Variants in ODAD4 observed in about 807,000 individuals in gnomAD.
ODAD4 encodes outer dynein arm docking complex subunit 4.
A neutral mutation model predicts 51.8 loss-of-function variants in ODAD4; 49 were observed. The ratio of observed to expected loss-of-function variants is 0.95; its 90% CI spans 0.75 to 1.20. The LOEUF (loss-of-function observed/expected upper bound fraction) is 1.20, where lower values mean the gene tolerates loss of function less well. Among genes scored for constraint, ODAD4 ranks in the 50% most tolerant of loss-of-function variants. The probability of loss-of-function intolerance (pLI) is 0.00; values close to 1 mark genes in which losing one functional copy is unlikely to be tolerated. For synonymous variants in ODAD4, 235 were observed against 221.3 expected, an observed-to-expected ratio of 1.06 and a Z score of -0.55; for missense variants, 590 against 586.5, an observed-to-expected ratio of 1.01 and a Z score of -0.06.
chr17:41,948,905 G>A (rs1270596710), intron 8 of ODAD4, among the ~76,000 whole-genome samples: 1 of 152,124 alleles, frequency 6.6e-6, no homozygotes. Flanking sequence ...GCCTCCCAAA[G>A]CGCTAGAGAC....
At chr17:41,960,149 G>A (rs1292384477) in intron 10 of ODAD4, among the ~76,000 whole-genome samples, 1 of 152,118 alleles carries the variant, frequency 6.6e-6, no homozygotes, top group Non-Finnish European at 1.5e-5. Context: ...AATGTGTGCG[G>A]CCATTGTCCT....
rs1208582941 is a variant in ODAD4 at position 41,947,625 on chromosome 17, G to A, written c.1146-1528G>A. On this transcript the variant is annotated intron_variant, in intron 8 of 11. Transcript: ENST00000377540. ...AGCCTGGCCAACGTGGGGAAACCCC[G>A]TCCCTATTAAAAATGCAAAATTAGC... 2.4e-4 allele frequency among the ~76,000 whole-genome samples: 35 copies of A among 147,162 alleles called. No individual in the cohort carries two copies. In the East Asian group the frequency reaches 4.3e-3, roughly 18 times the overall value.
In ODAD4 at chr17:41,965,652, C is replaced by T. The variant is rs1555642620; in HGVS notation, c.*169C>T. 1.7e-6 allele frequency: 1 copy of T among 581,642 alleles called. No individual in the cohort carries two copies. Among genetic ancestry groups the T allele is most frequent in the Non-Finnish European group, 3.0e-6 (1 of 330,570 alleles). The allele number at this position is 581,642 out of a possible 1,614,324, so 36.0% of individuals were successfully genotyped here. ...AATAGGTGTCTTTCACTCTTGCAAACCCTGAGTCTGTCACTTTGCCTCTTC... is the reference window on the plus strand; with the variant it reads ...AATAGGTGTCTTTCACTCTTGCAAATCCTGAGTCTGTCACTTTGCCTCTTC... On this transcript the variant is annotated 3_prime_UTR_variant, in exon 12 of 12. Transcript: ENST00000377540.
Position 41,966,193 on chromosome 17 carries a change from G to A in ODAD4, c.*710G>A, listed in dbSNP as rs1231703231. ...CAGTGGTTTCACAGAGGAGGTGGCAGCTGAGGATCTGGCCTCAGAGGATGT... is the reference window on the plus strand; with the variant it reads ...CAGTGGTTTCACAGAGGAGGTGGCAACTGAGGATCTGGCCTCAGAGGATGT... On this transcript the variant is annotated 3_prime_UTR_variant, in exon 12 of 12. Transcript: ENST00000377540. Among the ~76,000 whole-genome samples, 1 of 152,192 alleles carries A rather than the reference G, an allele frequency of 6.6e-6. No individual in the cohort carries two copies. The highest frequency in any genetic ancestry group is 1.5e-5 in the Non-Finnish European group (1 of 68,030).
chr17:41,930,943 G>A, intron 1 of ODAD4, 106 bp downstream of exon 1: 1 of 652,322 alleles, frequency 1.5e-6, no homozygotes, highest in Non-Finnish European at 2.4e-6. Flanking sequence ...GCCTAGGCTG[G>A]AGTGCAATGG....
chr17:41,954,798 C>T (rs1293629554), intron 9 of ODAD4, among the ~76,000 whole-genome samples: 4 of 149,564 alleles, frequency 2.7e-5, no homozygotes, highest in Admixed American at 6.7e-5. Context: ...TGCAGTGAGC[C>T]GAGATTGCCC....
intron 4 of ODAD4, 51 bp downstream of exon 4, chr17:41,936,585 G>A (rs782200224): frequency 1.9e-6 from 3 of 1,561,856 alleles, no homozygotes; most frequent in Non-Finnish European, 2.6e-6. Context: ...GAGGCTATGT[G>A]TGCCTGAGAA....
At chr17:41,948,483 A>G (rs1253381681) in intron 8 of ODAD4, among the ~76,000 whole-genome samples, 1 of 145,184 alleles carries the variant, frequency 6.9e-6, no homozygotes, top group Admixed American at 6.9e-5. Flanking sequence ...GCCTGGCTAA[A>G]TTTTGTATTT....
At chr17:41,945,333 T>G in intron 8 of ODAD4, 111 bp downstream of exon 8, 1 of 498,054 alleles carries the variant, frequency 2.0e-6, no homozygotes, top group Non-Finnish European at 3.2e-6. Context: ...ATAGGAAGAC[T>G]CCCTCTCTAC....
rs10578034 is a variant in ODAD4, at chr17:41,944,444, A to ACCCC, written c.1059-688_1059-685dup. Among the ~76,000 whole-genome samples the ACCCC allele has an allele frequency of 9.8e-3, 191 of 19,418 alleles. 4 individuals are homozygous for ACCCC. Among genetic ancestry groups the ACCCC allele is most frequent in the South Asian group, 0.03 (7 of 230 alleles). The allele number at this position is 19,418 out of a possible 152,430, so 12.7% of individuals were successfully genotyped here. The stretch of plus-strand genomic sequence containing the variant: ...CACACACACACACACACACACACAC[A>ACCCC]CCCCCCCGCATACACAGAAATTGCC... On this transcript the variant is annotated intron_variant, in intron 7 of 11. Coordinates refer to ENST00000377540, the MANE Select transcript of ODAD4 (RefSeq NM_031421.5).
At position 41,944,070 on chromosome 17, in the gene ODAD4, G is replaced by T. The variant is rs375523552; in HGVS notation, c.1059-1066G>T. On this transcript the variant is annotated intron_variant, in intron 7 of 11. Transcript: ENST00000377540. ...AAATTAGCCAGGCGTGGTGGCACAT[G>T]CCTGTAATCTTAGTTACTCAGGGAG... Among the ~76,000 whole-genome samples the T allele has an allele frequency of 2.0e-5, 3 of 152,212 alleles. No homozygotes were observed. The East Asian group carries it at 5.8e-4, about 29-fold the overall frequency.
intron 10 of ODAD4, among the ~76,000 whole-genome samples, chr17:41,960,606 A>T (rs546868823): frequency 1.8e-4 from 27 of 152,350 alleles, no homozygotes; most frequent in African/African-American, 6.5e-4. Context: ...CTTGAAGGCT[A>T]GGCAGTAGTT....
intron 9 of ODAD4, among the ~76,000 whole-genome samples, chr17:41,954,368 C>T (rs1555640705): frequency 6.6e-6 from 1 of 152,072 alleles, no homozygotes; most frequent in Non-Finnish European, 1.5e-5. Flanking sequence ...CTAATCATTT[C>T]AGTCCCAGCT....
chr17:41,964,992 G>A lies in ODAD4; in HGVS notation c.1529-1G>A. On this transcript the variant is annotated splice_acceptor_variant, in intron 11 of 11. Transcript: ENST00000377540. LOFTEE classifies it high-confidence loss of function. ...CTTCCCGCTTTTCTCTTATTTTTCA[G>A]AAGCTTCACTGTATGAAGATAGAAT... 1 of 685,478 alleles carries A rather than the reference G, an allele frequency of 1.5e-6. No homozygotes were observed. The highest frequency in any genetic ancestry group is 2.7e-6 in the Non-Finnish European group (1 of 371,064). 42.5% of individuals were successfully genotyped at this position (685,478 alleles called of 1,614,324 possible).
rs782130933 is a variant in ODAD4 at position 41,935,738 on chromosome 17, A to G, written c.386A>G (p.Asn129Ser). 1 of 1,613,804 alleles carries G rather than the reference A, an allele frequency of 6.2e-7. No homozygotes were observed. The highest frequency in any genetic ancestry group is 8.5e-7 in the Non-Finnish European group (1 of 1,179,862). The stretch of plus-strand genomic sequence containing the variant: ...CAGAAAGCCCAGGAAGCCATCAACA[A>G]CTCAGTGGGAAGTGAGTGACCACAG... ...GIQKAQEAIN[N>S]SVGSPSSIKL... The change falls in exon 3 of 12, where the codon AAC (asparagine) becomes AGC (serine). Residue 129 changes from asparagine (N) to serine (S), a missense_variant. By Grantham distance (46) the Asn-to-Ser change is conservative. This residue lies in a region of ODAD4 where 360 missense variants were observed against 407.5 expected (regional missense o/e 0.88). Transcript: ENST00000377540.
At chr17:41,935,029 C>A (rs1175038264) in intron 1 of ODAD4, among the ~76,000 whole-genome samples, 188 bp from the exon 2 acceptor site, 2 of 152,154 alleles carry the variant, frequency 1.3e-5, no homozygotes, top group South Asian at 2.1e-4. Flanking sequence ...GAGCGCAGAT[C>A]GGAGTTGTTC....
chr17:41,948,826 C>T (rs2050619702), intron 8 of ODAD4, among the ~76,000 whole-genome samples: 1 of 151,954 alleles, frequency 6.6e-6, no homozygotes, highest in Non-Finnish European at 1.5e-5. Context: ...TTTTAGTAGA[C>T]AGACAGGGTT....
At position 41,965,071 on chromosome 17, in the gene ODAD4, T is replaced by G; in HGVS notation, c.1607T>G (p.Val536Gly). The stretch of plus-strand genomic sequence containing the variant: ...GTGAGAGATGAGCCCGAGAAGGTGG[T>G]GAAGCAGTGGGACCATAGTGAGGAT... Reference protein sequence around the residue: ...RRVRDEPEKVVKQWDHSEDEK... With the variant: ...RRVRDEPEKVGKQWDHSEDEK... The change falls in exon 12 of 12, where the codon GTG becomes GGG. Residue 536 changes from valine to glycine, a missense_variant. Transcript: ENST00000377540. 1.3e-6 allele frequency: 1 copy of G among 760,942 alleles called. No homozygotes were observed. Among genetic ancestry groups the G allele is most frequent in the Non-Finnish European group, 2.4e-6 (1 of 408,638 alleles). The allele number at this position is 760,942 out of a possible 1,614,324, so 47.1% of individuals were successfully genotyped here. A position where few individuals can be genotyped will look rare whatever the true frequency, so the allele number is the denominator to read the frequency against.
rs1555639326 is a variant in ODAD4 at position 41,945,188 on chromosome 17, G to A, written c.1111G>A (p.Ala371Thr). The A allele has an allele frequency of 6.2e-7, 1 of 1,613,260 alleles. No individual in the cohort carries two copies. Among genetic ancestry groups the A allele is most frequent in the South Asian group, 1.1e-5 (1 of 90,770 alleles). Residue 371 changes from alanine (A) to threonine (T), a missense_variant, in exon 8 of 12, where the codon GCC (alanine) becomes ACC (threonine). This residue lies in a region of ODAD4 where 226 missense variants were observed against 162.7 expected (regional missense o/e 1.39). Transcript: ENST00000377540. ...CCTTGACAACATTGGCAGAGTTTTT[G>A]CCAGAGTTGGGAAATTCCAGCAAGC... ...RALDNIGRVF[A>T]RVGKFQQAID...
Sources: allele counts gnomAD v4.1 joint callset (sites outside exome capture counted in the v4.1 genomes callset), GRCh38; gene constraint gnomAD v4.1.1; regional missense constraint gnomAD v4.1.1; transcripts MANE v1.5; gene names NCBI Gene and HGNC (gene_info 2026-07-23, HGNC 2026-07-21).